The following EPHB1 variants were observed in gnomAD, a reference collection of about 807,000 sequenced individuals.
The protein encoded by EPHB1 is ephrin type-B receptor 1.
A neutral mutation model predicts 94.4 loss-of-function variants in EPHB1; 30 were observed. That is an observed-to-expected ratio of 0.32 (90% CI 0.24 to 0.43). EPHB1 has a LOEUF of 0.43. Among genes scored for constraint, EPHB1 ranks in the 20% least tolerant of loss-of-function variants. The probability of loss-of-function intolerance (pLI) is 1.00; values close to 1 mark genes in which losing one functional copy is unlikely to be tolerated. For synonymous variants in EPHB1, 522 were observed against 489.1 expected (o/e 1.07, Z -0.89); for missense variants, 1,055 against 1,308.3 (o/e 0.81, Z 2.99).
intron 2 of EPHB1, among the ~76,000 whole-genome samples, chr3:134,929,089 G>A (rs1329329070): frequency 6.6e-6 from 1 of 152,156 alleles, no homozygotes; most frequent in Non-Finnish European, 1.5e-5. Context: ...AAGAGAAGGA[G>A]GACAGAGCTT....
At chr3:135,154,503 TC>T (rs776502909) in intron 6 of EPHB1, 7 of 501,318 alleles carry the variant, frequency 1.4e-5, no homozygotes, top group Non-Finnish European at 2.1e-5. Context: ...CAGTCCACCA[TC>T]CTGCAATCTG....
intron 1 of EPHB1, among the ~76,000 whole-genome samples, chr3:134,843,873 G>A (rs1578130910): frequency 6.6e-6 from 1 of 152,112 alleles, no homozygotes; most frequent in East Asian, 1.9e-4. Flanking sequence ...TTTGTCTGCT[G>A]TATCTAATAT....
chr3:135,007,315 T>A (rs1935455568), intron 3 of EPHB1, among the ~76,000 whole-genome samples: 1 of 152,198 alleles, frequency 6.6e-6, no homozygotes, highest in Non-Finnish European at 1.5e-5. Flanking sequence ...TTGGAAAGAT[T>A]GTTTCATCAA....
chr3:135,138,715 TAAAGA>T (rs1198076052), intron 5 of EPHB1, among the ~76,000 whole-genome samples: 1 of 152,192 alleles, frequency 6.6e-6, no homozygotes, highest in African/African-American at 2.4e-5. Flanking sequence ...TCGAAGTTAA[TAAAGA>T]AAAGTTAAAA....
chr3:134,837,834 G>T (rs1468166374), intron 1 of EPHB1, among the ~76,000 whole-genome samples: 3 of 152,136 alleles, frequency 2.0e-5, no homozygotes, highest in Admixed American at 2.0e-4. Flanking sequence ...AGAAGGTGAG[G>T]AGAATGAGTG....
At chr3:135,188,544 A>T (rs1289466035) in intron 10 of EPHB1, among the ~76,000 whole-genome samples, 1 of 152,224 alleles carries the variant, frequency 6.6e-6, no homozygotes, top group Non-Finnish European at 1.5e-5. Flanking sequence ...TGTTTCGAAC[A>T]GTTTGTAGTT....
intron 12 of EPHB1, among the ~76,000 whole-genome samples, chr3:135,224,014 T>C (rs1344678449): frequency 2.6e-5 from 4 of 152,220 alleles, no homozygotes; most frequent in African/African-American, 9.6e-5. Context: ...TCCCATATTA[T>C]ATTACTGTAT....
chr3:135,031,248 T>G (rs1936455491), intron 3 of EPHB1, among the ~76,000 whole-genome samples: 1 of 152,150 alleles, frequency 6.6e-6, no homozygotes, highest in African/African-American at 2.4e-5. Flanking sequence ...GGCTCCTCCC[T>G]CAAGAAGGTT....
rs1933540705 is a variant in EPHB1, at chr3:135,259,113, T to A, written c.2948T>A (p.Met983Lys). The change falls in exon 16 of 16, where the codon ATG becomes AAG. Residue 983 changes from methionine to lysine, a missense_variant. Met to Lys is a moderately conservative substitution (Grantham distance 95, BLOSUM62 -1). Coordinates refer to ENST00000398015, the MANE Select transcript of EPHB1 (RefSeq NM_004441.5). ...RVQISQSPTA[M>K]A ...CAGATAAGTCAGTCACCAACGGCAA[T>A]GGCATGAGAACTCTTGTTTCTTGGG... 2.5e-6 allele frequency: 4 copies of A among 1,606,718 alleles called. No homozygotes were observed. Among genetic ancestry groups the A allele is most frequent in the Non-Finnish European group, 1.7e-6 (2 of 1,176,538 alleles).
At chr3:135,042,827 G>T (rs1249998458) in intron 3 of EPHB1, among the ~76,000 whole-genome samples, 1 of 152,056 alleles carries the variant, frequency 6.6e-6, no homozygotes, top group Admixed American at 6.6e-5. Flanking sequence ...AAACATGTAT[G>T]TATTTATTTA....
At chr3:135,163,716 T>G (rs1268708371) in intron 7 of EPHB1, among the ~76,000 whole-genome samples, 1 of 152,192 alleles carries the variant, frequency 6.6e-6, no homozygotes, top group Non-Finnish European at 1.5e-5. Context: ...AACAAATTTC[T>G]CCCAAGAAGG....
At chr3:135,018,513 T>TA (rs1422497212) in intron 3 of EPHB1, among the ~76,000 whole-genome samples, 1 of 152,110 alleles carries the variant, frequency 6.6e-6, no homozygotes, top group Non-Finnish European at 1.5e-5. Context: ...CACCCCTTCT[T>TA]AAAGCACCCA....
rs1375721113 is a variant in EPHB1, at chr3:135,209,530, A to G, written c.2346+7841A>G. 3.9e-5 allele frequency among the ~76,000 whole-genome samples: 6 copies of G among 152,214 alleles called. 1 individual carries two copies. Among genetic ancestry groups the G allele is most frequent in the Non-Finnish European group, 8.8e-5 (6 of 68,040 alleles). Reference sequence around the variant, plus strand: ...TCTCATCATGAGAAAACATCAGACTACCTAAAACTGAGGTACATTCTATTG... The same window carrying G: ...TCTCATCATGAGAAAACATCAGACTGCCTAAAACTGAGGTACATTCTATTG... On this transcript the variant is annotated intron_variant, in intron 12 of 15. Coordinates refer to ENST00000398015, the MANE Select transcript of EPHB1 (RefSeq NM_004441.5).
At chr3:134,827,707 G>T (rs553600656) in intron 1 of EPHB1, among the ~76,000 whole-genome samples, 5 of 152,202 alleles carry the variant, frequency 3.3e-5, no homozygotes, top group Non-Finnish European at 5.9e-5. Flanking sequence ...GGCCTAGATT[G>T]CTCCTTTCCC....
At chr3:134,976,553 T>G (rs1934199892) in intron 3 of EPHB1, among the ~76,000 whole-genome samples, 1 of 152,238 alleles carries the variant, frequency 6.6e-6, no homozygotes, top group Non-Finnish European at 1.5e-5. Context: ...CCTTTTTATC[T>G]AGCGAGCTTC....
At chr3:135,192,447 A>G (rs985610287) in intron 10 of EPHB1, 129 bp from the exon 11 acceptor site, 1 of 1,002,660 alleles carries the variant, frequency 1.0e-6, no homozygotes, top group African/African-American at 2.3e-5. Context: ...ATGAGAGAAG[A>G]CTGTTTTAAT....
intron 3 of EPHB1, among the ~76,000 whole-genome samples, chr3:135,032,665 G>C (rs1338958557): frequency 6.6e-6 from 1 of 152,188 alleles, no homozygotes; most frequent in Non-Finnish European, 1.5e-5. Context: ...TGGGTGGTGA[G>C]ATGGCAAGAT....
intron 12 of EPHB1, among the ~76,000 whole-genome samples, chr3:135,208,083 G>A (rs1030392415): frequency 9.2e-5 from 14 of 152,160 alleles, no homozygotes; most frequent in African/African-American, 2.4e-4. Flanking sequence ...GTGGCAGGTC[G>A]GACTTCAGAG....
intron 9 of EPHB1, among the ~76,000 whole-genome samples, chr3:135,178,458 CAA>C (rs57207495): frequency 0.022 from 2,177 of 98,766 alleles, 48 homozygotes; most frequent in African/African-American, 0.065. Flanking sequence ...AAGACTGTCT[CAA>C]AAAAAAAAAA....
Sources: allele counts gnomAD v4.1 joint callset (sites outside exome capture counted in the v4.1 genomes callset), GRCh38; gene constraint gnomAD v4.1.1; transcripts MANE v1.5; gene names NCBI Gene and HGNC (gene_info 2026-07-23, HGNC 2026-07-21).